CCDC7: variants seen among roughly 807,000 people sequenced by gnomAD.
CCDC7 encodes the protein coiled-coil domain containing 7.
In CCDC7, 183 loss-of-function variants were observed where a neutral mutation model predicts 196.9. That is an observed-to-expected ratio of 0.93 (90% CI 0.82 to 1.05). CCDC7 has a LOEUF of 1.05. Among genes scored for constraint, CCDC7 ranks in the 50% least tolerant of loss-of-function variants. The pLI is 0.00. For synonymous variants in CCDC7, 525 were observed against 484.6 expected (o/e 1.08, Z -1.10); for missense variants, 1,540 against 1,482.2 (o/e 1.04, Z -0.64).
intron 41 of CCDC7, among the ~76,000 whole-genome samples, chr10:32,867,899 C>T (rs911014136): frequency 4.6e-5 from 7 of 151,868 alleles, no homozygotes; most frequent in Non-Finnish European, 1.0e-4. Flanking sequence ...AACTGAAACT[C>T]TCCCCATTAA....
intron 21 of CCDC7, among the ~76,000 whole-genome samples, chr10:32,665,473 G>A (rs577583027): frequency 1.3e-5 from 2 of 152,062 alleles, no homozygotes; most frequent in Non-Finnish European, 2.9e-5. Context: ...TCCAATTTGA[G>A]TTGATTTTTG....
intron 8 of CCDC7, among the ~76,000 whole-genome samples, chr10:32,489,112 T>A (rs1489315509): frequency 2.0e-5 from 3 of 152,140 alleles, no homozygotes; most frequent in African/African-American, 7.2e-5. Context: ...ATTTGGCTGG[T>A]GGGTGTGCTT....
intron 18 of CCDC7, among the ~76,000 whole-genome samples, chr10:32,585,870 A>G (rs914093912): frequency 1.3e-5 from 2 of 152,118 alleles, no homozygotes; most frequent in African/African-American, 4.8e-5. Context: ...AATGATTTAG[A>G]ATGCTTTGGG....
intron 29 of CCDC7, among the ~76,000 whole-genome samples, chr10:32,784,674 C>T (rs866294339): frequency 6.9e-4 from 105 of 151,898 alleles, no homozygotes; most frequent in African/African-American, 2.2e-3. Context: ...CGGATTCAAG[C>T]GATTCTCCTG....
chr10:32,476,682 T>G (rs894661837), intron 8 of CCDC7, among the ~76,000 whole-genome samples: 1 of 152,196 alleles, frequency 6.6e-6, no homozygotes, highest in Non-Finnish European at 1.5e-5. Context: ...CCCCTGCAAT[T>G]GAGGAGAATT....
At chr10:32,645,503 C>CTTTTTTTT (rs35170235) in intron 20 of CCDC7, among the ~76,000 whole-genome samples, 5 of 65,140 alleles carry the variant, frequency 7.7e-5, no homozygotes, top group Non-Finnish European at 6.1e-5. Context: ...GAGTCCATGT[C>CTTTTTTTT]TTTTTTTTTT....
At chr10:32,532,434 A>C (rs1249347119) in intron 11 of CCDC7, among the ~76,000 whole-genome samples, 2 of 152,156 alleles carry the variant, frequency 1.3e-5, no homozygotes, top group East Asian at 3.8e-4. Context: ...ATTTGTTAAG[A>C]TTTGTTTGGT....
chr10:32,798,980 G>A (rs1436892161), intron 29 of CCDC7, among the ~76,000 whole-genome samples: 1 of 152,164 alleles, frequency 6.6e-6, no homozygotes, highest in African/African-American at 2.4e-5. Flanking sequence ...GGGACCATGG[G>A]CATTTGAGCC....
At position 32,814,436 on chromosome 10, in the gene CCDC7, G is replaced by A. The variant is rs117833411; in HGVS notation, c.3164G>A (p.Arg1055Gln). The A allele has an allele frequency of 2.1e-3, 3,380 of 1,609,958 alleles. 6 individuals carry two copies. Among genetic ancestry groups the A allele is most frequent in the Non-Finnish European group, 2.5e-3 (2,966 of 1,177,068 alleles). ...ATACTAAAGGATGAATTCAAGACAC[G>A]ATCAAAGAGTCTCCCTGGTAAGAAC... The change falls in exon 31 of 42, where the codon CGA becomes CAA. Residue 1055 changes from arginine to glutamine, a missense_variant. By Grantham distance (43) the Arg-to-Gln change is conservative. Coordinates refer to ENST00000639629, the Ensembl canonical transcript of CCDC7.
intron 28 of CCDC7, among the ~76,000 whole-genome samples, chr10:32,759,920 A>C (rs1380137670): frequency 6.6e-6 from 1 of 152,086 alleles, no homozygotes; most frequent in Non-Finnish European, 1.5e-5. Flanking sequence ...CAACCCCATC[A>C]AAAAGTGGGC....
At chr10:32,867,873 G>A (rs914904068) in intron 41 of CCDC7, among the ~76,000 whole-genome samples, 1 of 151,644 alleles carries the variant, frequency 6.6e-6, no homozygotes, top group South Asian at 2.1e-4. Context: ...CCTCCAGAAC[G>A]TTTTTTATCT....
intron 2 of CCDC7, among the ~76,000 whole-genome samples, chr10:32,454,677 T>C (rs2997517): frequency 0.99 from 150,465 of 152,276 alleles, 74,358 homozygotes; most frequent in Middle Eastern, 1. Flanking sequence ...CCTTCGGATA[T>C]CCCCTTTATT....
intron 24 of CCDC7, among the ~76,000 whole-genome samples, chr10:32,705,576 C>T (rs1242019929): frequency 1.3e-5 from 2 of 152,080 alleles, no homozygotes; most frequent in Non-Finnish European, 2.9e-5. Context: ...GGAGACCCAT[C>T]TCACGTGCAG....
intron 16 of CCDC7, among the ~76,000 whole-genome samples, chr10:32,582,314 C>T (rs896424455): frequency 1.3e-5 from 2 of 151,494 alleles, no homozygotes; most frequent in South Asian, 2.1e-4. Flanking sequence ...TTGCAACAAA[C>T]CTTAGGCAAA....
At chr10:32,809,732 A>G (rs900671214) in intron 30 of CCDC7, among the ~76,000 whole-genome samples, 1 of 152,304 alleles carries the variant, frequency 6.6e-6, no homozygotes, top group Admixed American at 6.5e-5. Flanking sequence ...AAAACAACAG[A>G]TGCTGGAGAG....
intron 5 of CCDC7, among the ~76,000 whole-genome samples, chr10:32,466,328 C>T (rs903121249): frequency 7.0e-6 from 1 of 142,896 alleles, no homozygotes. Context: ...TTTACGTAAA[C>T]TCATGTCACA....
At chr10:32,817,413 G>T (rs548912374) in intron 31 of CCDC7, among the ~76,000 whole-genome samples, 2 of 152,290 alleles carry the variant, frequency 1.3e-5, no homozygotes, top group South Asian at 2.1e-4. Flanking sequence ...AAAACACTCT[G>T]TAGGATATTA....
At chr10:32,659,006 C>A (rs949622456) in intron 20 of CCDC7, among the ~76,000 whole-genome samples, 6 of 147,754 alleles carry the variant, frequency 4.1e-5, no homozygotes, top group Non-Finnish European at 7.6e-5. Context: ...TTGACCATTT[C>A]TAGAGTTTTT....
intron 28 of CCDC7, among the ~76,000 whole-genome samples, chr10:32,754,806 A>G (rs1179376841): frequency 6.6e-6 from 1 of 152,102 alleles, no homozygotes; most frequent in African/African-American, 2.4e-5. Flanking sequence ...GTGTGAGCTG[A>G]AGCAGGGCGG....
Sources: allele counts gnomAD v4.1 joint callset (sites outside exome capture counted in the v4.1 genomes callset), GRCh38; gene constraint gnomAD v4.1.1; transcripts MANE v1.5; gene names NCBI Gene and HGNC (gene_info 2026-07-23, HGNC 2026-07-21).